Variants in SLC2A7 observed in about 807,000 individuals in gnomAD.
SLC2A7 encodes solute carrier family 2, facilitated glucose transporter member 7.
In SLC2A7, 50 loss-of-function variants were observed where a neutral mutation model predicts 50.5. The observed-to-expected ratio is 0.99, with a 90% CI of 0.79 to 1.25. The LOEUF (loss-of-function observed/expected upper bound fraction) is 1.25, where lower values mean the gene tolerates loss of function less well. Among genes scored for constraint, SLC2A7 ranks in the 50% most tolerant of loss-of-function variants. SLC2A7 has a pLI of 0.00. For synonymous variants in SLC2A7, 308 were observed against 300.4 expected, an observed-to-expected ratio of 1.03 and a Z score of -0.26; for missense variants, 683 against 679.1, an observed-to-expected ratio of 1.01 and a Z score of -0.06.
chr1:9,024,074 T>G (rs1640958962), intron 2 of SLC2A7, among the ~76,000 whole-genome samples: 1 of 152,032 alleles, frequency 6.6e-6, no homozygotes. Flanking sequence ...CAGGCTGGTC[T>G]TGAACTCCTG....
chr1:9,021,097 C>T, intron 3 of SLC2A7, among the ~76,000 whole-genome samples: 1 of 152,292 alleles, frequency 6.6e-6, no homozygotes, highest in Admixed American at 6.5e-5. Context: ...ATACACTCCG[C>T]CTCCCGGGTT....
At chr1:9,017,310 A>C (rs1640845213) in intron 5 of SLC2A7, among the ~76,000 whole-genome samples, 1 of 152,138 alleles carries the variant, frequency 6.6e-6, no homozygotes, top group Non-Finnish European at 1.5e-5. Context: ...ACAGGGTGAG[A>C]CCCTGCCTCA....
In SLC2A7 at chr1:9,010,926, G is replaced by T. The variant is rs563254009; in HGVS notation, c.1015-682C>A. On this transcript the variant is annotated intron_variant, in intron 8 of 11. Coordinates refer to ENST00000400906, the MANE Select transcript of SLC2A7 (RefSeq NM_207420.3). ...CCACCCCACTGATAGCAAACAAACC[G>T]CTGTCTGGGAGTGAGTGCCTCTTTC... is the stretch of plus-strand genomic sequence containing the variant. Among the ~76,000 whole-genome samples the T allele has an allele frequency of 1.0e-3, 159 of 152,276 alleles. 2 individuals are homozygous for T. The highest frequency in any genetic ancestry group is 3.7e-3 in the African/African-American group (152 of 41,548).
intron 2 of SLC2A7, 50 bp from the exon 3 acceptor site, chr1:9,023,128 G>A: frequency 1.3e-6 from 2 of 1,578,874 alleles, no homozygotes; most frequent in Non-Finnish European, 1.7e-6. Context: ...CAGTTCATGA[G>A]AAATGAGAAA....
intron 3 of SLC2A7, 25 bp downstream of exon 3, chr1:9,022,893 T>A: frequency 1.2e-6 from 2 of 1,609,968 alleles, no homozygotes; most frequent in Non-Finnish European, 1.7e-6. Flanking sequence ...GAATTTTAAG[T>A]GGGAGCAGTG....
intron 2 of SLC2A7, among the ~76,000 whole-genome samples, chr1:9,023,490 C>T (rs992080858): frequency 6.6e-6 from 1 of 152,042 alleles, no homozygotes; most frequent in Admixed American, 6.5e-5. Context: ...GCCTGTAGTC[C>T]CAGCTACTCA....
At chr1:9,010,102 C>T in intron 9 of SLC2A7, 41 bp downstream of exon 9, 2 of 1,538,230 alleles carry the variant, frequency 1.3e-6, no homozygotes, top group Non-Finnish European at 8.8e-7. Context: ...TCCCACCCTC[C>T]CCATGACTCC....
At chr1:9,018,181 C>CGA in intron 5 of SLC2A7, 42 bp downstream of exon 5, 2 of 1,610,752 alleles carry the variant, frequency 1.2e-6, no homozygotes, top group Non-Finnish European at 1.7e-6. Context: ...CACAGCCGAA[C>CGA]GAGAGACTGG....
chr1:9,022,916 A>AT lies in SLC2A7; in HGVS notation c.311+1_311+2insA. 1 of 1,613,784 alleles carries AT rather than the reference A, an allele frequency of 6.2e-7. No individual in the cohort carries two copies. Among genetic ancestry groups the AT allele is most frequent in the South Asian group, 1.1e-5 (1 of 91,034 alleles). ...AGTGGGAGCAGTGCACCTTCTGTTT[A>AT]CCTGCCGCAGCTATCAACCAGCAGG... On this transcript the variant is annotated splice_donor_variant, in intron 3 of 11. Coordinates refer to ENST00000400906, the MANE Select transcript of SLC2A7 (RefSeq NM_207420.3). LOFTEE classifies it high-confidence loss of function.
intron 2 of SLC2A7, among the ~76,000 whole-genome samples, chr1:9,023,480 G>A (rs951671434): frequency 3.3e-5 from 5 of 152,154 alleles, no homozygotes; most frequent in Admixed American, 1.3e-4. Context: ...GGTGGCGGGC[G>A]CCTGTAGTCC....
intron 10 of SLC2A7, among the ~76,000 whole-genome samples, chr1:9,006,393 G>A (rs1640653735): frequency 6.6e-6 from 1 of 152,092 alleles, no homozygotes; most frequent in South Asian, 2.1e-4. Flanking sequence ...GACTACAGGC[G>A]CCCGCCAACA....
At chr1:9,015,949 G>A (rs560783209) in intron 5 of SLC2A7, among the ~76,000 whole-genome samples, 9 of 151,070 alleles carry the variant, frequency 6.0e-5, no homozygotes, top group Non-Finnish European at 7.4e-5. Context: ...CAGGCTGGTC[G>A]TGAACTCTTG....
chr1:8,998,141 C>T (rs1465008920), downstream of SLC2A7, among the ~76,000 whole-genome samples: 1 of 152,146 alleles, frequency 6.6e-6, no homozygotes, highest in Non-Finnish European at 1.5e-5. Flanking sequence ...TGGTGGCTAA[C>T]ACCTGTAATC....
chr1:9,002,540 T>G (rs961979805), downstream of SLC2A7, among the ~76,000 whole-genome samples: 2 of 152,172 alleles, frequency 1.3e-5, no homozygotes, highest in Non-Finnish European at 2.9e-5. Flanking sequence ...ACAGAGCCTT[T>G]GCTCACATGT....
chr1:8,998,789 C>G (rs1014870889), downstream of SLC2A7, among the ~76,000 whole-genome samples: 2 of 152,082 alleles, frequency 1.3e-5, no homozygotes, highest in Non-Finnish European at 2.9e-5. Flanking sequence ...GAGATAAACC[C>G]TACTTGGTTA....
At position 9,014,878 on chromosome 1, in the gene SLC2A7, G is replaced by A; in HGVS notation, c.716-10C>T. On this transcript the variant is annotated splice_polypyrimidine_tract_variant and intron_variant, in intron 6 of 11. Coordinates refer to ENST00000400906, the MANE Select transcript of SLC2A7 (RefSeq NM_207420.3). ...CTCAGCCTCCTCAGAGCTGCGGAAA[G>A]CAGAACCACCCGCTCAGAGGGCCGT... 6.3e-7 allele frequency: 1 copy of A among 1,584,352 alleles called. No homozygotes were observed. The highest frequency in any genetic ancestry group is 8.6e-7 in the Non-Finnish European group (1 of 1,165,848).
intron 3 of SLC2A7, 152 bp from the exon 4 acceptor site, chr1:9,019,485 C>G: frequency 8.7e-7 from 1 of 1,146,200 alleles, no homozygotes. Context: ...TGAATGGTGT[C>G]CCCCAAATTC....
chr1:9,000,960 G>C (rs1430815478), downstream of SLC2A7, among the ~76,000 whole-genome samples: 2 of 152,188 alleles, frequency 1.3e-5, 1 homozygote, highest in South Asian at 4.2e-4. Context: ...AGATGTCAAA[G>C]GGCAGAGAGA....
chr1:8,998,278 G>T (rs569964105), downstream of SLC2A7, among the ~76,000 whole-genome samples: 2 of 152,030 alleles, frequency 1.3e-5, no homozygotes. Flanking sequence ...GGTGGCGGGC[G>T]CCTGCAATCC....
Sources: gnomAD v4.1 joint callset for allele counts (sites outside exome capture counted in the v4.1 genomes callset) on GRCh38, gnomAD v4.1.1 for gene constraint, MANE v1.5 for transcripts, NCBI Gene and HGNC (gene_info 2026-07-23, HGNC 2026-07-21) for gene names.